The following RUVBL1 variants were observed in gnomAD, a reference collection of about 807,000 sequenced individuals.
The protein encoded by RUVBL1 is ruvB-like 1.
Under a neutral mutation model 52.4 loss-of-function variants are expected in RUVBL1, and 4 were observed. That is an observed-to-expected ratio of 0.08 (90% CI 0.04 to 0.17). The LOEUF is 0.17. Ranked by LOEUF, RUVBL1 falls within the 10% of genes least tolerant of loss-of-function variation. The probability of loss-of-function intolerance (pLI) is 1.00; values close to 1 mark genes in which losing one functional copy is unlikely to be tolerated. For synonymous variants in RUVBL1, 217 were observed against 214.4 expected (o/e 1.01, Z -0.10); for missense variants, 298 against 572.8 (o/e 0.52, Z 4.90).
chr3:128,149,650 T>C (rs1173285185), intron 1 of RUVBL1, among the ~76,000 whole-genome samples: 1 of 152,232 alleles, frequency 6.6e-6, no homozygotes, highest in East Asian at 1.9e-4. Context: ...AACAAGAGGC[T>C]GGGGCCTGAA....
chr3:128,104,427 T>C (rs760974207), intron 4 of RUVBL1, among the ~76,000 whole-genome samples: 2 of 152,166 alleles, frequency 1.3e-5, no homozygotes, highest in Non-Finnish European at 2.9e-5. Flanking sequence ...ACTGGAAAAA[T>C]TAATGCCCAG....
intron 9 of RUVBL1, among the ~76,000 whole-genome samples, chr3:128,074,655 C>T (rs762879371): frequency 9.9e-5 from 15 of 152,044 alleles, no homozygotes; most frequent in South Asian, 2.1e-4. Context: ...CCAGCCTGAC[C>T]AACATGGAGA....
In RUVBL1 at chr3:128,068,003, G is replaced by A. The variant is rs754034616; in HGVS notation, c.940-2783C>T. Reference sequence around the variant, plus strand: ...TGCAGGTTGCAAAGCAGCTGAAGGAGCAGCAGATGGTGATGAGAGGCCACC... The same window carrying A: ...TGCAGGTTGCAAAGCAGCTGAAGGAACAGCAGATGGTGATGAGAGGCCACC... On this transcript the variant is annotated intron_variant, in intron 9 of 9. Coordinates refer to the RUVBL1 transcript ENST00000464873. The A allele has an allele frequency of 5.5e-5, 89 of 1,613,856 alleles. No homozygotes were observed. The highest frequency in any genetic ancestry group is 7.3e-5 in the Non-Finnish European group (86 of 1,180,004).
chr3:128,153,179 A>G, intron 1 of RUVBL1: 2 of 1,240,718 alleles, frequency 1.6e-6, no homozygotes, highest in Non-Finnish European at 2.0e-6. Context: ...TAGCTATAGA[A>G]AAGTTCTCCA....
chr3:128,153,301 C>T, exon 1 of RUVBL1: 5 of 1,362,410 alleles, frequency 3.7e-6, no homozygotes, highest in Non-Finnish European at 4.7e-6. Context: ...GAAACCCTGC[C>T]TACGGTGACC....
intron 1 of RUVBL1, among the ~76,000 whole-genome samples, chr3:128,153,014 C>G (rs1471551216): frequency 1.1e-5 from 1 of 91,538 alleles, no homozygotes; most frequent in African/African-American, 4.5e-5. Flanking sequence ...CCCCCTTCGC[C>G]CCCCCATGTT....
intron 7 of RUVBL1, among the ~76,000 whole-genome samples, chr3:128,098,656 G>A (rs370532753): frequency 4.6e-5 from 7 of 152,306 alleles, no homozygotes; most frequent in African/African-American, 1.7e-4. Context: ...GCCTCATAGG[G>A]GCCAGAAACT....
At chr3:128,100,839 C>A (rs1943093505) in intron 5 of RUVBL1, 95 bp from the exon 6 acceptor site, 1 of 1,417,688 alleles carries the variant, frequency 7.1e-7, no homozygotes, top group Non-Finnish European at 9.7e-7. Context: ...TCAGTTCCCA[C>A]TGCAGGCCTG....
intron 1 of RUVBL1, among the ~76,000 whole-genome samples, chr3:128,149,690 G>C (rs1944157371): frequency 6.6e-6 from 1 of 152,220 alleles, no homozygotes; most frequent in African/African-American, 2.4e-5. Flanking sequence ...CTGGAGGAAG[G>C]AGTGAGTCTC....
At chr3:128,115,001 C>T (rs1353531225) in intron 2 of RUVBL1, among the ~76,000 whole-genome samples, 1 of 147,902 alleles carries the variant, frequency 6.8e-6, no homozygotes, top group Non-Finnish European at 1.5e-5. Context: ...ATGATAAATA[C>T]TTGGTTAAAA....
chr3:128,142,679 C>T (rs1218469279), intron 1 of RUVBL1, among the ~76,000 whole-genome samples: 1 of 152,176 alleles, frequency 6.6e-6, no homozygotes, highest in African/African-American at 2.4e-5. Context: ...TCCAGGCTGC[C>T]CACATGCCTG....
upstream of RUVBL1, among the ~76,000 whole-genome samples, chr3:128,124,221 T>A (rs898320077): frequency 3.9e-5 from 6 of 152,072 alleles, no homozygotes; most frequent in African/African-American, 1.4e-4. Flanking sequence ...CTGACTCCCA[T>A]ACCTTTGCAT....
At chr3:128,145,975 C>T (rs1004391769) in intron 1 of RUVBL1, among the ~76,000 whole-genome samples, 2 of 151,942 alleles carry the variant, frequency 1.3e-5, no homozygotes, top group African/African-American at 4.8e-5. Context: ...GAGGAATGAA[C>T]ATAATAAGGA....
intron 1 of RUVBL1, among the ~76,000 whole-genome samples, chr3:128,136,057 T>C (rs1011079295): frequency 3.9e-5 from 6 of 152,018 alleles, no homozygotes; most frequent in Admixed American, 3.9e-4. Context: ...AAATAAACTA[T>C]GCAGATGTTA....
At chr3:128,122,210 C>T (rs560367350) in intron 1 of RUVBL1, among the ~76,000 whole-genome samples, 33 of 152,346 alleles carry the variant, frequency 2.2e-4, no homozygotes, top group Non-Finnish European at 4.6e-4. Context: ...CTCACTTGAA[C>T]AGAGTTCATA....
In RUVBL1 at chr3:128,073,578, C is replaced by T. The variant is rs563793416; in HGVS notation, c.940-8358G>A. On this transcript the variant is annotated intron_variant, in intron 9 of 9. Transcript: ENST00000464873. The stretch of plus-strand genomic sequence containing the variant: ...GCCTGGTTCTGGAGAGCCAGGTGTG[C>T]CCCTAAGTGGTAGTGCCCACCTCAC... 2.6e-5 allele frequency among the ~76,000 whole-genome samples: 4 copies of T among 152,336 alleles called. No homozygotes were observed. The South Asian group carries it at 8.3e-4, about 32-fold the overall frequency.
At position 128,134,000 on chromosome 3, in the gene RUVBL1, G is replaced by T. The variant is rs1290104723; in HGVS notation, c.-39-14586C>A. On this transcript the variant is annotated intron_variant, in intron 1 of 9. Coordinates refer to the RUVBL1 transcript ENST00000464873. The stretch of plus-strand genomic sequence containing the variant: ...TTTGAGGAAGCGCAACGAAATTCAA[G>T]ATAATGCAGAGAAGGAATTCAGAAT... Among the ~76,000 whole-genome samples, 3 of 152,038 alleles carry T rather than the reference G, an allele frequency of 2.0e-5. No individual in the cohort carries two copies. In the East Asian group the frequency reaches 5.8e-4, roughly 29 times the overall value.
At chr3:128,068,924 C>A (rs1942066953) in intron 9 of RUVBL1, 1 of 152,280 alleles carries the variant, frequency 6.6e-6, no homozygotes, top group Non-Finnish European at 1.5e-5. Context: ...CTAAAGGAAG[C>A]AACCACAGGA....
At chr3:128,066,946 C>T (rs1941999923) in intron 9 of RUVBL1, 3 of 1,614,044 alleles carry the variant, frequency 1.9e-6, no homozygotes, top group Middle Eastern at 3.3e-4. Context: ...TTCTGTTTGG[C>T]TTCTCAGGGC....
Sources: allele counts gnomAD v4.1 joint callset (sites outside exome capture counted in the v4.1 genomes callset), GRCh38; gene constraint gnomAD v4.1.1; transcripts MANE v1.5; gene names NCBI Gene and HGNC (gene_info 2026-07-23, HGNC 2026-07-21).